Variants in ZNF140 observed in about 807,000 individuals in gnomAD.
The protein encoded by ZNF140 is zinc finger protein 140 (clone pHZ-39).
ZNF140 carries 13 observed loss-of-function variants against 12.9 expected under a neutral mutation model. The ratio of observed to expected loss-of-function variants is 1.01; its 90% confidence interval spans 0.66 to 1.60. The LOEUF is 1.60. Ranked by LOEUF, ZNF140 falls within the 40% of genes most tolerant of loss-of-function variation. The probability of loss-of-function intolerance (pLI) is 0.00; values close to 1 mark genes in which losing one functional copy is unlikely to be tolerated. For synonymous variants in ZNF140, 214 were observed against 186.7 expected, an observed-to-expected ratio of 1.15 and a Z score of -1.19; for missense variants, 531 against 548.8, an observed-to-expected ratio of 0.97 and a Z score of 0.32.
At chr12:133,081,204 C>A in intron 1 of ZNF140, 69 bp from the exon 2 acceptor site, 3 of 698,778 alleles carry the variant, frequency 4.3e-6, no homozygotes, top group Admixed American at 2.4e-5. Context: ...ATCCCCAGTG[C>A]GGGAATCTAG....
upstream of ZNF140, chr12:133,080,586 T>G (rs1327285230): frequency 1.3e-5 from 2 of 152,340 alleles, no homozygotes; most frequent in African/African-American, 4.8e-5. Flanking sequence ...CCGCGGTTAT[T>G]TCTGGGAAAT....
chr12:133,084,693 TAGAG>T (rs1217960719), intron 4 of ZNF140, among the ~76,000 whole-genome samples: 1 of 152,194 alleles, frequency 6.6e-6, no homozygotes, highest in Admixed American at 6.5e-5. Context: ...CACTGATTTT[TAGAG>T]AGAAAAGGAG....
At chr12:133,091,137 A>G (rs200990062) in intron 4 of ZNF140, among the ~76,000 whole-genome samples, 1 of 150,008 alleles carries the variant, frequency 6.7e-6, no homozygotes, top group African/African-American at 2.5e-5. Context: ...GGGGACGGTC[A>G]GGTCTTTCTC....
At chr12:133,096,827 T>C (rs993713676) in intron 4 of ZNF140, among the ~76,000 whole-genome samples, 13 of 152,340 alleles carry the variant, frequency 8.5e-5, no homozygotes. Flanking sequence ...GAATTGGAGA[T>C]GAATGTGTAA....
chr12:133,106,789 C>T lies in ZNF140; in HGVS notation c.*138C>T, dbSNP rs560854936. 3 of 724,748 alleles carry T rather than the reference C, an allele frequency of 4.1e-6. No individual in the cohort carries two copies. In the African/African-American group the frequency reaches 5.5e-5, roughly 13 times the overall value. 44.9% of individuals were successfully genotyped at this position (724,748 alleles called of 1,614,324 possible). ...AGTAATATGGCCCACACTTTATTCA[C>T]CACCCTGGAGAAAAAAAAACCCAGG... On this transcript the variant is annotated 3_prime_UTR_variant, in exon 5 of 5. Transcript: ENST00000355557.
intron 4 of ZNF140, among the ~76,000 whole-genome samples, chr12:133,092,503 T>G (rs959824270): frequency 1.3e-5 from 2 of 151,270 alleles, no homozygotes; most frequent in Non-Finnish European, 2.9e-5. Context: ...TAGTGTAATA[T>G]GGCTTGTGAT....
chr12:133,087,581 A>G (rs909734043), intron 4 of ZNF140, among the ~76,000 whole-genome samples: 7 of 151,730 alleles, frequency 4.6e-5, no homozygotes, highest in African/African-American at 1.5e-4. Context: ...AGTTGTTATC[A>G]ATGACTTATA....
At chr12:133,089,723 G>T (rs1954792806) in intron 4 of ZNF140, among the ~76,000 whole-genome samples, 1 of 151,986 alleles carries the variant, frequency 6.6e-6, no homozygotes, top group African/African-American at 2.4e-5. Flanking sequence ...TATTAATAAT[G>T]TATGACATCT....
At chr12:133,082,337 C>T (rs1381329470) in intron 2 of ZNF140, 1 of 152,224 alleles carries the variant, frequency 6.6e-6, no homozygotes, top group Non-Finnish European at 1.5e-5. Context: ...TTTTATTAAA[C>T]TTCAAAACTG....
At position 133,107,415 on chromosome 12, in the gene ZNF140, T is replaced by G. The variant is rs1399939783; in HGVS notation, c.*764T>G. Reference sequence around the variant, plus strand: ...CAGAAAATGTTATAAATAAATCTTTTGGTTTATTATAAACCTTCTGCTTGC... The same window carrying G: ...CAGAAAATGTTATAAATAAATCTTTGGGTTTATTATAAACCTTCTGCTTGC... On this transcript the variant is annotated 3_prime_UTR_variant, in exon 5 of 5. Coordinates refer to ENST00000355557, the MANE Select transcript of ZNF140 (RefSeq NM_003440.4). The G allele has an allele frequency of 6.6e-6, 1 of 152,088 alleles. No individual in the cohort carries two copies. The highest frequency in any genetic ancestry group is 1.5e-5 in the Non-Finnish European group (1 of 68,040). The allele number at this position is 152,088 out of a possible 1,614,324, so 9.4% of individuals were successfully genotyped here. A position where few individuals can be genotyped will look rare whatever the true frequency, so the allele number is the denominator to read the frequency against.
Position 133,105,741 on chromosome 12 carries a change from G to T in ZNF140, c.464G>T (p.Ser155Ile). 1 of 1,614,198 alleles carries T rather than the reference G, an allele frequency of 6.2e-7. No homozygotes were observed. The highest frequency in any genetic ancestry group is 8.5e-7 in the Non-Finnish European group (1 of 1,180,044). ...GCCCTGGCTCAACATATGAATATCA[G>T]TACTGTGGAGAGGCCCTATGGATGC... ...QEALAQHMNI[S>I]TVERPYGCHE... The change falls in exon 5 of 5, where the codon AGT becomes ATT. Residue 155 changes from serine (S) to isoleucine (I), a missense_variant. Ser to Ile is a moderately radical substitution (Grantham distance 142). Transcript: ENST00000355557.
intron 2 of ZNF140, 25 bp downstream of exon 2, chr12:133,081,354 T>TATATATATAC (rs1954480613): frequency 3.9e-6 from 1 of 253,550 alleles, no homozygotes; most frequent in Non-Finnish European, 6.6e-6. Flanking sequence ...GATAAATATA[T>TATATATATAC]ATATATATAT....
rs1257270874 is a variant in ZNF140, at chr12:133,083,469, T to C, written c.140T>C (p.Leu47Pro). The change falls in exon 4 of 5, where the codon CTT becomes CCT. Residue 47 changes from leucine to proline, a missense_variant. Transcript: ENST00000355557. ...ENYGHLVSLG[L>P]SISKPDVVSL... ...TTATTTCATTTTCTGCAAGCAGGTC[T>C]TTCCATTTCTAAGCCAGATGTGGTT... The C allele has an allele frequency of 8.7e-6, 14 of 1,610,598 alleles. No homozygotes were observed. The highest frequency in any genetic ancestry group is 1.2e-5 in the Non-Finnish European group (14 of 1,179,066).
In ZNF140 at chr12:133,081,258, T is replaced by TTC. The variant is rs1198289780; in HGVS notation, c.-48-7_-48-6dup. The TTC allele has an allele frequency of 1.3e-6, 2 of 1,489,208 alleles. No individual in the cohort carries two copies. The highest frequency in any genetic ancestry group is 2.8e-5 in the African/African-American group (2 of 71,144). 92.2% of individuals were successfully genotyped at this position (1,489,208 alleles called of 1,614,324 possible). On this transcript the variant is annotated splice_polypyrimidine_tract_variant and intron_variant, in intron 1 of 4. Coordinates refer to ENST00000355557, the MANE Select transcript of ZNF140 (RefSeq NM_003440.4). ...GCTGGCCTGTTCGCTCAGGGCTCCT[T>TTC]TCTCTCTCTGCCAGGTCTGCCATTT...
intron 4 of ZNF140, chr12:133,093,472 C>T (rs1242219064): frequency 5.7e-6 from 4 of 699,464 alleles, no homozygotes; most frequent in Non-Finnish European, 1.0e-5. Context: ...GACGGCTCCG[C>T]TTTCTTGGTA....
intron 4 of ZNF140, among the ~76,000 whole-genome samples, chr12:133,094,559 A>G (rs1365700198): frequency 6.6e-6 from 1 of 151,168 alleles, no homozygotes; most frequent in African/African-American, 2.5e-5. Context: ...AATTCTAAAG[A>G]GAGAAAGTGG....
At chr12:133,095,479 G>A (rs999777699) in intron 4 of ZNF140, among the ~76,000 whole-genome samples, 2 of 150,956 alleles carry the variant, frequency 1.3e-5, no homozygotes, top group African/African-American at 2.5e-5. Context: ...AGATGAAGGG[G>A]TGGCCTGCCC....
At chr12:133,095,730 T>C (rs1333051059) in intron 4 of ZNF140, among the ~76,000 whole-genome samples, 5 of 150,968 alleles carry the variant, frequency 3.3e-5, no homozygotes, top group African/African-American at 2.4e-5. Context: ...GCAAAAAACA[T>C]GTGAGCAAAA....
At chr12:133,085,605 T>C (rs1954648342) in intron 4 of ZNF140, among the ~76,000 whole-genome samples, 1 of 152,272 alleles carries the variant, frequency 6.6e-6, no homozygotes, top group Admixed American at 6.5e-5. Context: ...CTTGGTTTTC[T>C]TTATTGTTCC....
Sources: gnomAD v4.1 joint callset for allele counts (sites outside exome capture counted in the v4.1 genomes callset) on GRCh38, gnomAD v4.1.1 for gene constraint, MANE v1.5 for transcripts, NCBI Gene and HGNC (gene_info 2026-07-23, HGNC 2026-07-21) for gene names.